Variants in MACROD2 observed in about 807,000 individuals in gnomAD.
MACROD2 encodes the protein mono-ADP ribosylhydrolase 2.
A neutral mutation model predicts 70.4 loss-of-function variants in MACROD2; 36 were observed. That is an observed-to-expected ratio of 0.51 (90% CI 0.39 to 0.68). MACROD2 has a LOEUF of 0.68. Ranked by LOEUF, MACROD2 falls within the 30% of genes least tolerant of loss-of-function variation. The pLI, the probability that MACROD2 is intolerant of heterozygous loss-of-function variation, is 0.00. For synonymous variants in MACROD2, 172 were observed against 178.8 expected (o/e 0.96, Z 0.30); for missense variants, 496 against 538.4 (o/e 0.92, Z 0.78).
At chr20:14,683,610 G>T (rs554369186) in intron 4 of MACROD2, among the ~76,000 whole-genome samples, 1 of 152,268 alleles carries the variant, frequency 6.6e-6, no homozygotes, top group South Asian at 2.1e-4. Context: ...CAAAAGTGAT[G>T]CCTCCCTGCC....
intron 4 of MACROD2, among the ~76,000 whole-genome samples, chr20:14,520,371 T>A (rs2085152947): frequency 6.6e-6 from 1 of 152,178 alleles, no homozygotes; most frequent in African/African-American, 2.4e-5. Flanking sequence ...CATGATTCAT[T>A]ATGCCTGAAT....
intron 3 of MACROD2, among the ~76,000 whole-genome samples, chr20:14,329,968 T>C (rs529530227): frequency 6.6e-6 from 1 of 152,086 alleles, no homozygotes; most frequent in Admixed American, 6.6e-5. Flanking sequence ...GCCCAAAAGG[T>C]GACATAGAAG....
intron 5 of MACROD2, among the ~76,000 whole-genome samples, chr20:14,938,051 C>G (rs2074357130): frequency 7.3e-6 from 1 of 136,312 alleles, no homozygotes; most frequent in Non-Finnish European, 1.6e-5. Flanking sequence ...GACTCATGTT[C>G]AATTGCATAC....
chr20:14,195,457 T>C (rs1286298746), intron 3 of MACROD2, among the ~76,000 whole-genome samples: 1 of 151,962 alleles, frequency 6.6e-6, no homozygotes, highest in African/African-American at 2.4e-5. Context: ...TGGCTAGGGC[T>C]CCGCCTCCAG....
At chr20:14,001,852 T>C (rs920532776) in intron 1 of MACROD2, among the ~76,000 whole-genome samples, 5 of 152,134 alleles carry the variant, frequency 3.3e-5, no homozygotes, top group Admixed American at 6.5e-5. Flanking sequence ...GAAAACTCAC[T>C]ATCTTGAGGC....
chr20:14,599,324 G>A (rs1426064274), intron 4 of MACROD2, among the ~76,000 whole-genome samples: 3 of 152,078 alleles, frequency 2.0e-5, no homozygotes, highest in Non-Finnish European at 2.9e-5. Flanking sequence ...TGAGGAAGTG[G>A]GGAGTTAGCT....
chr20:15,525,990 A>C (rs1600535086), intron 8 of MACROD2, among the ~76,000 whole-genome samples: 2 of 152,302 alleles, frequency 1.3e-5, no homozygotes, highest in East Asian at 3.9e-4. Flanking sequence ...ATAAAATAAA[A>C]AGATGTTTTA....
At chr20:14,193,663 C>T (rs181588940) in intron 3 of MACROD2, among the ~76,000 whole-genome samples, 69 of 152,198 alleles carry the variant, frequency 4.5e-4, no homozygotes, top group African/African-American at 1.6e-3. Context: ...GCTGTAGCTG[C>T]GGAGTGCAGC....
At chr20:15,172,176 G>A (rs746434018) in intron 5 of MACROD2, among the ~76,000 whole-genome samples, 29 of 152,158 alleles carry the variant, frequency 1.9e-4, no homozygotes, top group Non-Finnish European at 3.4e-4. Context: ...ATAGTTACCA[G>A]GGATCCCAAA....
chr20:14,133,993 C>G (rs1368272341), intron 3 of MACROD2, among the ~76,000 whole-genome samples: 1 of 152,230 alleles, frequency 6.6e-6, no homozygotes, highest in African/African-American at 2.4e-5. Flanking sequence ...CATTCTAACT[C>G]CAGAGTTCCC....
intron 5 of MACROD2, among the ~76,000 whole-genome samples, chr20:14,766,149 A>C (rs1256160192): frequency 6.9e-6 from 1 of 145,050 alleles, no homozygotes; most frequent in East Asian, 2.0e-4. Context: ...GTGTGTGTGT[A>C]CACTGAAGAG....
At chr20:15,420,958 C>T (rs1048744955) in intron 6 of MACROD2, among the ~76,000 whole-genome samples, 1 of 152,042 alleles carries the variant, frequency 6.6e-6, no homozygotes, top group Admixed American at 6.6e-5. Flanking sequence ...CATAGTGGTG[C>T]GTGCCTATGG....
At chr20:15,729,955 A>C (rs1471255666) in intron 8 of MACROD2, among the ~76,000 whole-genome samples, 1 of 149,818 alleles carries the variant, frequency 6.7e-6, no homozygotes, top group African/African-American at 2.5e-5. Context: ...CAGCCTCCTG[A>C]GTAGCTGGAT....
At chr20:15,138,672 A>G (rs1399444760) in intron 5 of MACROD2, among the ~76,000 whole-genome samples, 1 of 152,114 alleles carries the variant, frequency 6.6e-6, no homozygotes, top group Non-Finnish European at 1.5e-5. Context: ...CTTGGCATTG[A>G]ATGTGTTTGT....
intron 5 of MACROD2, among the ~76,000 whole-genome samples, chr20:15,100,957 A>G (rs1404035147): frequency 6.6e-6 from 1 of 152,138 alleles, no homozygotes; most frequent in Admixed American, 6.5e-5. Context: ...GATTCTCTGC[A>G]GGTGAACAGG....
At chr20:15,795,320 T>TGTGG (rs2063663117) in intron 8 of MACROD2, among the ~76,000 whole-genome samples, 2 of 152,124 alleles carry the variant, frequency 1.3e-5, no homozygotes, top group Non-Finnish European at 2.9e-5. Context: ...TATAGATATC[T>TGTGG]GACTAAAGGG....
rs75489101 is a variant in MACROD2, at chr20:15,258,314, T to G, written c.540+28253T>G. Among the ~76,000 whole-genome samples the G allele has an allele frequency of 2.9e-3, 447 of 152,166 alleles. 12 individuals are homozygous for G. In the East Asian group the frequency reaches 0.048, roughly 16 times the overall value. ...TAGGGTACTGTAATGTGTGAGGCCT[T>G]CACACTCACTCACCACTCACTCACT... On this transcript the variant is annotated intron_variant, in intron 6 of 17. Transcript: ENST00000684519.
chr20:14,332,300 A>G (rs868297899), intron 3 of MACROD2, among the ~76,000 whole-genome samples: 1 of 152,118 alleles, frequency 6.6e-6, no homozygotes, highest in African/African-American at 2.4e-5. Context: ...TAAGGATACT[A>G]TTTTAGGGAA....
At chr20:14,716,826 G>T (rs928668791) in intron 5 of MACROD2, among the ~76,000 whole-genome samples, 7 of 151,852 alleles carry the variant, frequency 4.6e-5, no homozygotes, top group Non-Finnish European at 8.8e-5. Flanking sequence ...TAGCTTCCTA[G>T]TTCTGCTGTA....
Sources: allele counts gnomAD v4.1 joint callset (sites outside exome capture counted in the v4.1 genomes callset), GRCh38; gene constraint gnomAD v4.1.1; transcripts MANE v1.5; gene names NCBI Gene and HGNC (gene_info 2026-07-23, HGNC 2026-07-21).